The following NCK2 variants were observed in gnomAD, a reference collection of about 807,000 sequenced individuals.
The protein encoded by NCK2 is cytoplasmic protein NCK2.
A neutral mutation model predicts 33.9 loss-of-function variants in NCK2; 16 were observed. The observed-to-expected ratio is 0.47, with a 90% CI of 0.32 to 0.72. NCK2 has a LOEUF of 0.72. Ranked by LOEUF, NCK2 falls within the 30% of genes least tolerant of loss-of-function variation. The pLI is 0.03. For missense variants in NCK2, 418 were observed against 537.3 expected, an observed-to-expected ratio of 0.78 and a Z score of 2.19; for synonymous variants, 273 against 239.9, an observed-to-expected ratio of 1.14 and a Z score of -1.27.
chr2:105,747,404 A>T (rs1689321079), intron 1 of NCK2, among the ~76,000 whole-genome samples: 1 of 152,136 alleles, frequency 6.6e-6, no homozygotes, highest in African/African-American at 2.4e-5. Flanking sequence ...CCTTTACTTG[A>T]TCAGTTGCAC....
At chr2:105,787,234 C>A (rs1168541013) in intron 1 of NCK2, among the ~76,000 whole-genome samples, 2 of 152,206 alleles carry the variant, frequency 1.3e-5, no homozygotes, top group Non-Finnish European at 2.9e-5. Flanking sequence ...GGGGCAGGAC[C>A]CAGTCTCAGC....
chr2:105,777,208 C>T (rs1471639446), intron 1 of NCK2, among the ~76,000 whole-genome samples: 1 of 152,134 alleles, frequency 6.6e-6, no homozygotes. Context: ...GTCACTGCTG[C>T]TTTAGGAACC....
chr2:105,783,744 T>A (rs1690577259), intron 1 of NCK2, among the ~76,000 whole-genome samples: 1 of 152,024 alleles, frequency 6.6e-6, no homozygotes. Context: ...AATGATGACC[T>A]CCACTCTTTC....
Position 105,760,472 on chromosome 2 carries a change from G to A in NCK2, c.-201+15334G>A, listed in dbSNP as rs76618514. Among the ~76,000 whole-genome samples, 807 of 152,194 alleles carry A rather than the reference G, an allele frequency of 5.3e-3. 7 individuals carry two copies. Among genetic ancestry groups the A allele is most frequent in the African/African-American group, 0.018 (762 of 41,520 alleles). ...TTAGCACTTGAACCCCAGGTGTGCC[G>A]GCCAGGAGTCAGGCCCTCACCTCCA... On this transcript the variant is annotated intron_variant, in intron 1 of 4. Transcript: ENST00000233154.
chr2:105,771,800 T>C (rs1690142927), intron 1 of NCK2, among the ~76,000 whole-genome samples: 1 of 152,204 alleles, frequency 6.6e-6, no homozygotes, highest in South Asian at 2.1e-4. Flanking sequence ...ATTGTTTTCT[T>C]CTGTCTGAAG....
In NCK2 at chr2:105,878,344, A is replaced by C. The variant is rs78578698; in HGVS notation, c.227-2984A>C. Among the ~76,000 whole-genome samples, 227 of 152,372 alleles carry C rather than the reference A, an allele frequency of 1.5e-3. 4 individuals carry two copies. In the East Asian group the frequency reaches 0.043, roughly 29 times the overall value. On this transcript the variant is annotated intron_variant, in intron 3 of 4. Coordinates refer to ENST00000233154, the MANE Select transcript of NCK2 (RefSeq NM_003581.5). ...CAGAATGGGACTGTGTTTGGAGACA[A>C]AGCCTTTACAGGGGTGATTAAGTTA... is the stretch of plus-strand genomic sequence containing the variant.
At chr2:105,769,266 C>T (rs1232657811) in intron 1 of NCK2, among the ~76,000 whole-genome samples, 2 of 148,444 alleles carry the variant, frequency 1.3e-5, no homozygotes, top group Non-Finnish European at 3.0e-5. Context: ...CAGCCTGCTG[C>T]CCCGCCCCAC....
chr2:105,885,604 G>A (rs1443577595), intron 4 of NCK2, among the ~76,000 whole-genome samples: 1 of 151,672 alleles, frequency 6.6e-6, no homozygotes. Context: ...TACCTGAAAT[G>A]GTACTGATTC....
At chr2:105,790,910 TGAG>T (rs1690857618) in intron 1 of NCK2, among the ~76,000 whole-genome samples, 1 of 152,164 alleles carries the variant, frequency 6.6e-6, no homozygotes, top group Non-Finnish European at 1.5e-5. Context: ...CAGGGCTTGG[TGAG>T]GAGCCAGCCA....
At chr2:105,835,388 C>CGTATATATATGT in intron 2 of NCK2, among the ~76,000 whole-genome samples, 6 of 52,098 alleles carry the variant, frequency 1.2e-4, no homozygotes, top group African/African-American at 2.2e-4. Context: ...TATATATACA[C>CGTATATATATGT]ATATATATAT....
intron 1 of NCK2, among the ~76,000 whole-genome samples, chr2:105,785,665 G>C (rs1573590324): frequency 2.0e-5 from 3 of 152,320 alleles, no homozygotes; most frequent in Middle Eastern, 6.8e-3. Flanking sequence ...TCAGGTGTTT[G>C]CAGGTATGCC....
At chr2:105,830,689 G>GTGTGTGTGTGTGTGTGTGTGTA (rs1558859294) in intron 2 of NCK2, among the ~76,000 whole-genome samples, 56 of 146,742 alleles carry the variant, frequency 3.8e-4, no homozygotes, top group African/African-American at 1.4e-3. Flanking sequence ...GTGTGTGTGT[G>GTGTGTGTGTGTGTGTGTGTGTA]TGTGTGTGTG....
At position 105,893,118 on chromosome 2, in the gene NCK2, C is replaced by T. The variant is rs771366302; in HGVS notation, c.1085C>T (p.Ala362Val). The stretch of plus-strand genomic sequence containing the variant: ...GAGCTGGTGGAACACTACAAAAAGG[C>T]GCCCATCTTCACCAGCGAGCACGGG... Reference protein sequence around the residue: ...MDELVEHYKKAPIFTSEHGEK... With the variant: ...MDELVEHYKKVPIFTSEHGEK... Residue 362 changes from alanine (A) to valine (V), a missense_variant, in exon 5 of 5, where the codon GCG becomes GTG. Coordinates refer to ENST00000233154, the MANE Select transcript of NCK2 (RefSeq NM_003581.5). 4 of 1,613,350 alleles carry T rather than the reference C, an allele frequency of 2.5e-6. No homozygotes were observed. The highest frequency in any genetic ancestry group is 1.1e-5 in the South Asian group (1 of 90,964).
chr2:105,884,764 T>C, intron 4 of NCK2, among the ~76,000 whole-genome samples: 1 of 152,252 alleles, frequency 6.6e-6, no homozygotes, highest in East Asian at 1.9e-4. Flanking sequence ...TTTCCTGTCC[T>C]GAACTTCAGT....
At chr2:105,820,087 C>T (rs528626809) in intron 2 of NCK2, among the ~76,000 whole-genome samples, 2 of 152,114 alleles carry the variant, frequency 1.3e-5, no homozygotes, top group African/African-American at 4.8e-5. Flanking sequence ...TATGGAAAAG[C>T]CAGGAGATGT....
At chr2:105,857,386 C>A (rs749139474) in intron 3 of NCK2, among the ~76,000 whole-genome samples, 7 of 152,244 alleles carry the variant, frequency 4.6e-5, no homozygotes, top group Non-Finnish European at 1.5e-5. Context: ...AGCGCAGCGT[C>A]GGTTCGAGTA....
intron 3 of NCK2, among the ~76,000 whole-genome samples, chr2:105,861,387 C>T (rs1166403526): frequency 6.6e-6 from 1 of 152,218 alleles, no homozygotes; most frequent in African/African-American, 2.4e-5. Context: ...GTTCTGACCA[C>T]CTCTCTATGG....
chr2:105,861,896 A>C, intron 3 of NCK2, among the ~76,000 whole-genome samples: 2 of 141,156 alleles, frequency 1.4e-5, no homozygotes, highest in African/African-American at 5.6e-5. Context: ...ACTGGCCTGG[A>C]ATTCTTTCCT....
chr2:105,805,152 C>G (rs537864009), intron 1 of NCK2, among the ~76,000 whole-genome samples: 7 of 152,144 alleles, frequency 4.6e-5, no homozygotes, highest in Non-Finnish European at 7.3e-5. Context: ...TTTATGGGCA[C>G]GGAGGCCGGT....
Sources: allele counts gnomAD v4.1 joint callset (sites outside exome capture counted in the v4.1 genomes callset), GRCh38; gene constraint gnomAD v4.1.1; transcripts MANE v1.5; gene names NCBI Gene and HGNC (gene_info 2026-07-23, HGNC 2026-07-21).